PDE3B: variants seen among roughly 807,000 people sequenced by gnomAD.
PDE3B encodes phosphodiesterase 3B, also known as cGMP-inhibited 3',5'-cyclic phosphodiesterase 3B.
PDE3B carries 66 observed loss-of-function variants against 116.8 expected under a neutral mutation model. The ratio of observed to expected loss-of-function variants is 0.56; its 90% CI spans 0.46 to 0.69. The LOEUF (loss-of-function observed/expected upper bound fraction) is 0.69. Ranked by LOEUF, PDE3B falls within the 30% of genes least tolerant of loss-of-function variation. The pLI, the probability that PDE3B is intolerant of heterozygous loss-of-function variation, is 0.00. For missense variants in PDE3B, 1,384 were observed against 1,368.1 expected (o/e 1.01, Z -0.18); for synonymous variants, 595 against 533.6 (o/e 1.12, Z -1.59).
At chr11:14,806,617 T>C (rs1858933829) in intron 5 of PDE3B, among the ~76,000 whole-genome samples, 1 of 151,732 alleles carries the variant, frequency 6.6e-6, no homozygotes, top group African/African-American at 2.4e-5. Flanking sequence ...CCCAGCACTT[T>C]GGGAGGCCGA....
intron 3 of PDE3B, 132 bp from the exon 4 acceptor site, chr11:14,788,974 T>TA (rs1858301382): frequency 1.7e-6 from 1 of 572,542 alleles, no homozygotes. Context: ...ATTTTCAGAA[T>TA]AAAATGTTTC....
Position 14,869,457 on chromosome 11 carries a change from A to G in PDE3B, c.3140-4A>G, listed in dbSNP as rs1408882960. Reference sequence around the variant, plus strand: ...TTAGAATATATTTATTTTAAATTTCACAGAACCACCAAGAAGGAAAAGCAG... The same window carrying G: ...TTAGAATATATTTATTTTAAATTTCGCAGAACCACCAAGAAGGAAAAGCAG... On this transcript the variant is annotated splice_region_variant and splice_polypyrimidine_tract_variant and intron_variant, in intron 15 of 15. Coordinates refer to ENST00000282096, the MANE Select transcript of PDE3B (RefSeq NM_000922.4). 4 of 1,607,010 alleles carry G rather than the reference A, an allele frequency of 2.5e-6. No homozygotes were observed. The highest frequency in any genetic ancestry group is 2.7e-5 in the African/African-American group (2 of 74,012).
intron 4 of PDE3B, among the ~76,000 whole-genome samples, chr11:14,799,027 G>A (rs1441163051): frequency 6.6e-6 from 1 of 152,086 alleles, no homozygotes; most frequent in African/African-American, 2.4e-5. Flanking sequence ...TGATGTTAGG[G>A]TGTCAATTTT....
rs567920102 is a variant in PDE3B, at chr11:14,857,555, T to A, written c.2521-1488T>A. On this transcript the variant is annotated intron_variant, in intron 12 of 15. Transcript: ENST00000282096. The stretch of plus-strand genomic sequence containing the variant: ...CTTCTTATGCAGTGACTTGGTTAGC[T>A]TTTCTCAATCCATTCTCATTTTCAC... Among the ~76,000 whole-genome samples the A allele has an allele frequency of 7.9e-5, 12 of 152,272 alleles. No individual in the cohort carries two copies. In the South Asian group the frequency reaches 1.0e-3, roughly 13 times the overall value.
chr11:14,831,332 G>A (rs896579838), intron 8 of PDE3B, among the ~76,000 whole-genome samples: 5 of 151,368 alleles, frequency 3.3e-5, no homozygotes, highest in African/African-American at 1.2e-4. Flanking sequence ...TTTGATACCT[G>A]TAACTACTAA....
intron 1 of PDE3B, 88 bp downstream of exon 1, chr11:14,645,141 C>A: frequency 3.8e-6 from 2 of 526,982 alleles, no homozygotes; most frequent in Non-Finnish European, 5.4e-6. Flanking sequence ...TATTTCAAAG[C>A]ATGTTAACTT....
chr11:14,694,009 T>C (rs911916905), intron 1 of PDE3B, among the ~76,000 whole-genome samples: 15 of 152,116 alleles, frequency 9.9e-5, no homozygotes, highest in African/African-American at 2.9e-4. Flanking sequence ...CCAGCCCTCA[T>C]GAGTGACTTT....
intron 1 of PDE3B, among the ~76,000 whole-genome samples, chr11:14,686,396 ATACTT>A (rs1237859736): frequency 2.6e-5 from 4 of 152,228 alleles, no homozygotes; most frequent in Non-Finnish European, 5.9e-5. Flanking sequence ...TGCTTAAACT[ATACTT>A]TAAAGAAAAT....
At chr11:14,877,948 A>C in the PDE3B span, 1 of 643,762 alleles carries the variant, frequency 1.6e-6, no homozygotes, top group East Asian at 2.8e-5. Context: ...AAATCTTGAA[A>C]AACAATCACG....
chr11:14,770,087 G>C (rs763882218), intron 1 of PDE3B, among the ~76,000 whole-genome samples: 10 of 151,292 alleles, frequency 6.6e-5, no homozygotes, highest in Non-Finnish European at 1.3e-4. Flanking sequence ...CTGTTTGATG[G>C]TATTATTGTG....
At chr11:14,770,854 G>A (rs1269435864) in intron 1 of PDE3B, among the ~76,000 whole-genome samples, 1 of 151,636 alleles carries the variant, frequency 6.6e-6, no homozygotes, top group Admixed American at 6.6e-5. Context: ...AAACATGGGT[G>A]TATTATGTAA....
the PDE3B span, among the ~76,000 whole-genome samples, chr11:14,889,189 T>A: frequency 6.8e-6 from 1 of 147,804 alleles, no homozygotes; most frequent in African/African-American, 2.5e-5. Context: ...TCTGTGAGCA[T>A]ACATCTCAAA....
At chr11:14,769,611 ATATT>A (rs1857583288) in intron 1 of PDE3B, among the ~76,000 whole-genome samples, 2 of 147,320 alleles carry the variant, frequency 1.4e-5, no homozygotes, top group African/African-American at 4.9e-5. Context: ...ATATATATAT[ATATT>A]TATATTGTAT....
In PDE3B at chr11:14,644,501, A is replaced by T; in HGVS notation, c.426A>T (p.Gly142=). The change falls in exon 1 of 16, where the codon GGA becomes GGT. Residue 142 remains glycine, a synonymous_variant. Coordinates refer to ENST00000282096, the MANE Select transcript of PDE3B (RefSeq NM_000922.4). ...LTCFLTRTKR[G]PGPGRSCGSW... ...GCTTCCTCACCCGGACCAAGCGGGG[A>T]CCCGGCCCGGGCCGGAGCTGCGGCT... The T allele has an allele frequency of 6.2e-7, 1 of 1,610,492 alleles. No homozygotes were observed. The highest frequency in any genetic ancestry group is 1.1e-5 in the South Asian group (1 of 90,712).
At chr11:14,878,477 C>A in the PDE3B span, among the ~76,000 whole-genome samples, 10 of 152,056 alleles carry the variant, frequency 6.6e-5, no homozygotes, top group Non-Finnish European at 1.3e-4. Context: ...GCAAGCAGAA[C>A]CCATTCATTT....
At chr11:14,777,055 A>G (rs1431909725) in intron 2 of PDE3B, among the ~76,000 whole-genome samples, 2 of 152,202 alleles carry the variant, frequency 1.3e-5, no homozygotes, top group East Asian at 1.9e-4. Context: ...CAAAAGAAAT[A>G]TAAATTATAA....
chr11:14,786,375 C>T (rs1858196787), intron 2 of PDE3B, 62 bp from the exon 3 acceptor site: 2 of 1,225,622 alleles, frequency 1.6e-6, no homozygotes, highest in Non-Finnish European at 2.3e-6. Context: ...AGAATTATAC[C>T]ATTTGTTATA....
chr11:14,649,972 T>C (rs945507431), intron 1 of PDE3B, among the ~76,000 whole-genome samples: 5 of 152,244 alleles, frequency 3.3e-5, no homozygotes, highest in African/African-American at 1.2e-4. Flanking sequence ...CATCTTGTTA[T>C]TTACAAGCTG....
intron 1 of PDE3B, among the ~76,000 whole-genome samples, chr11:14,741,752 C>T (rs963500652): frequency 1.3e-5 from 2 of 152,108 alleles, no homozygotes; most frequent in Non-Finnish European, 2.9e-5. Flanking sequence ...ATGTTTAGTG[C>T]TTCCTTTAGG....
Sources: gnomAD v4.1 joint callset for allele counts (sites outside exome capture counted in the v4.1 genomes callset) on GRCh38, gnomAD v4.1.1 for gene constraint, MANE v1.5 for transcripts, NCBI Gene and HGNC (gene_info 2026-07-23, HGNC 2026-07-21) for gene names.